MCTP1: variants seen among roughly 807,000 people sequenced by gnomAD.
The protein encoded by MCTP1 is multiple C2 and transmembrane domain containing 1, also known as multiple C2 and transmembrane domain-containing protein 1.
A neutral mutation model predicts 120.6 loss-of-function variants in MCTP1; 69 were observed. The ratio of observed to expected loss-of-function variants is 0.57; its 90% confidence interval spans 0.47 to 0.70. The LOEUF (loss-of-function observed/expected upper bound fraction) is 0.70. Ranked by LOEUF, MCTP1 falls within the 30% of genes least tolerant of loss-of-function variation. MCTP1 has a pLI of 0.00. For missense variants in MCTP1, 1,203 were observed against 1,248.8 expected (o/e 0.96, Z 0.55); for synonymous variants, 529 against 493.1 (o/e 1.07, Z -0.96).
intron 19 of MCTP1, among the ~76,000 whole-genome samples, chr5:94,725,220 A>G (rs1299826956): frequency 6.6e-6 from 1 of 152,230 alleles, no homozygotes; most frequent in Non-Finnish European, 1.5e-5. Flanking sequence ...GTGAAATAAG[A>G]TGTTTACTAA....
intron 13 of MCTP1, among the ~76,000 whole-genome samples, chr5:94,872,552 TG>T (rs1329113924): frequency 6.6e-6 from 1 of 152,096 alleles, no homozygotes; most frequent in African/African-American, 2.4e-5. Flanking sequence ...TCAAAAGCCC[TG>T]TTTAAAAAAC....
At chr5:94,772,386 G>A (rs969605526) in intron 19 of MCTP1, among the ~76,000 whole-genome samples, 1 of 152,192 alleles carries the variant, frequency 6.6e-6, no homozygotes, top group Non-Finnish European at 1.5e-5. Context: ...AAGGTCCTGA[G>A]GCTTGATCTT....
At chr5:95,124,537 A>C (rs1299245633) in intron 1 of MCTP1, among the ~76,000 whole-genome samples, 1 of 152,198 alleles carries the variant, frequency 6.6e-6, no homozygotes. Context: ...AATATGAGTA[A>C]GATTCCAGAA....
chr5:94,940,194 G>A lies in MCTP1; in HGVS notation c.1063C>T (p.Pro355Ser), dbSNP rs914526220. The change falls in exon 5 of 23, where the codon CCC (proline) becomes TCC (serine). Residue 355 changes from proline to serine, a missense_variant and splice_region_variant. Coordinates refer to ENST00000515393, the MANE Select transcript of MCTP1 (RefSeq NM_024717.7). ...LDLTQLELNRPTDVTLTLKDP... is the reference protein window; with the variant it reads ...LDLTQLELNRSTDVTLTLKDP... ...TTCAGAGTAAGGGTCACATCTGTGGGCCTGTGATAGAAAATATTTAGATTT... is the reference window on the plus strand; with the variant it reads ...TTCAGAGTAAGGGTCACATCTGTGGACCTGTGATAGAAAATATTTAGATTT... The A allele has an allele frequency of 2.6e-6, 4 of 1,554,258 alleles. No individual in the cohort carries two copies. The Admixed American group carries it at 5.3e-5, about 21-fold the overall frequency.
chr5:95,262,700 T>A (rs1260185881), intron 1 of MCTP1, among the ~76,000 whole-genome samples: 1 of 152,182 alleles, frequency 6.6e-6, no homozygotes. Flanking sequence ...CAAAGTAGCT[T>A]AATTTAAAAA....
intron 1 of MCTP1, among the ~76,000 whole-genome samples, chr5:95,255,332 G>A (rs955323353): frequency 6.6e-6 from 1 of 152,182 alleles, no homozygotes; most frequent in African/African-American, 2.4e-5. Flanking sequence ...GAAATAGACA[G>A]TTTAAGAAAT....
chr5:95,069,758 G>A (rs959640101), intron 1 of MCTP1, among the ~76,000 whole-genome samples: 7 of 151,250 alleles, frequency 4.6e-5, no homozygotes, highest in Non-Finnish European at 7.4e-5. Flanking sequence ...GAGTGCAGTG[G>A]TGCAATCTCT....
At chr5:95,235,598 A>C (rs927057838) in intron 1 of MCTP1, among the ~76,000 whole-genome samples, 4 of 152,178 alleles carry the variant, frequency 2.6e-5, no homozygotes, top group African/African-American at 9.7e-5. Context: ...GCCTGAACTT[A>C]AAATAAAAGT....
intron 22 of MCTP1, 85 bp downstream of exon 22, chr5:94,708,427 T>A: frequency 1.2e-6 from 1 of 834,128 alleles, no homozygotes; most frequent in Non-Finnish European, 1.9e-6. Context: ...TTCTAAAGCC[T>A]TTGAAATTAG....
intron 1 of MCTP1, among the ~76,000 whole-genome samples, chr5:95,138,470 C>T (rs956502322): frequency 1.3e-5 from 2 of 152,166 alleles, no homozygotes; most frequent in South Asian, 4.1e-4. Flanking sequence ...CTAAATTAGT[C>T]GCATACACAA....
chr5:94,942,905 A>G (rs1370662786), intron 3 of MCTP1, among the ~76,000 whole-genome samples: 3 of 152,140 alleles, frequency 2.0e-5, no homozygotes, highest in African/African-American at 4.8e-5. Flanking sequence ...ACTAAGGTTA[A>G]GTTAAAATAA....
chr5:95,099,484 A>G (rs1756544126), intron 1 of MCTP1, among the ~76,000 whole-genome samples: 1 of 152,192 alleles, frequency 6.6e-6, no homozygotes, highest in Non-Finnish European at 1.5e-5. Context: ...ACATTTCTCA[A>G]AAGAAGATAT....
intron 1 of MCTP1, among the ~76,000 whole-genome samples, chr5:95,022,468 A>T (rs1274898441): frequency 6.6e-6 from 1 of 152,166 alleles, no homozygotes; most frequent in Non-Finnish European, 1.5e-5. Context: ...CCATTACCAC[A>T]TTCTATCTCA....
chr5:94,924,201 A>C (rs2153464521), intron 6 of MCTP1, among the ~76,000 whole-genome samples, 180 bp from the exon 7 acceptor site: 1 of 152,248 alleles, frequency 6.6e-6, no homozygotes, highest in East Asian at 1.9e-4. Flanking sequence ...TTTTTGTGGT[A>C]GTAAAGTTTA....
chr5:95,213,029 G>C (rs1752588473), intron 1 of MCTP1, among the ~76,000 whole-genome samples: 1 of 152,154 alleles, frequency 6.6e-6, no homozygotes, highest in Non-Finnish European at 1.5e-5. Flanking sequence ...TTAGGCAGGA[G>C]AAGGAAATAA....
intron 1 of MCTP1, among the ~76,000 whole-genome samples, chr5:95,044,849 C>A (rs897323558): frequency 2.0e-5 from 3 of 152,044 alleles, no homozygotes; most frequent in Non-Finnish European, 4.4e-5. Context: ...TCATCCCTAA[C>A]GTGAATCAGG....
intron 2 of MCTP1, among the ~76,000 whole-genome samples, chr5:94,983,350 G>A (rs1242495110): frequency 3.9e-5 from 6 of 152,150 alleles, no homozygotes; most frequent in Non-Finnish European, 7.4e-5. Context: ...CAAAGCAATA[G>A]AAAACTAATA....
At chr5:94,755,242 C>T (rs1769490753) in intron 19 of MCTP1, among the ~76,000 whole-genome samples, 3 of 152,136 alleles carry the variant, frequency 2.0e-5, no homozygotes, top group Non-Finnish European at 4.4e-5. Flanking sequence ...GAGCTTCTTC[C>T]CTGACCCCTT....
chr5:95,089,625 G>A (rs1755696225), intron 1 of MCTP1, among the ~76,000 whole-genome samples: 2 of 152,180 alleles, frequency 1.3e-5, no homozygotes, highest in Admixed American at 6.5e-5. Context: ...AGAATCCAGT[G>A]TAGACCCTTC....
Sources: allele counts gnomAD v4.1 joint callset (sites outside exome capture counted in the v4.1 genomes callset), GRCh38; gene constraint gnomAD v4.1.1; transcripts MANE v1.5; gene names NCBI Gene and HGNC (gene_info 2026-07-23, HGNC 2026-07-21).